Variants in UBR1 observed in about 807,000 individuals in gnomAD.
UBR1 encodes the protein E3 ubiquitin-protein ligase UBR1.
A neutral mutation model predicts 242.1 loss-of-function variants in UBR1; 102 were observed. That is an observed-to-expected ratio of 0.42 (90% CI 0.36 to 0.50). The LOEUF (loss-of-function observed/expected upper bound fraction) is 0.50, where lower values mean the gene tolerates loss of function less well. Ranked by LOEUF, UBR1 falls within the 20% of genes least tolerant of loss-of-function variation. UBR1 has a pLI of 0.01. For synonymous variants in UBR1, 675 were observed against 684.8 expected (o/e 0.99, Z 0.22); for missense variants, 1,772 against 2,101.8 (o/e 0.84, Z 3.07).
intron 46 of UBR1, among the ~76,000 whole-genome samples, chr15:42,949,801 AAAAT>A (rs1034081479): frequency 4.0e-5 from 6 of 151,658 alleles, no homozygotes; most frequent in Admixed American, 2.0e-4. Context: ...TCTGTCTCCC[AAAAT>A]AAATAAATAA....
chr15:42,970,332 T>A (rs2032183172), intron 40 of UBR1, among the ~76,000 whole-genome samples, 188 bp downstream of exon 40: 3 of 152,156 alleles, frequency 2.0e-5, no homozygotes, highest in Admixed American at 6.6e-5. Flanking sequence ...ACACCTTACA[T>A]AAAAATTAAC....
At chr15:43,028,749 A>AC (rs1250412713) in intron 21 of UBR1, among the ~76,000 whole-genome samples, 3 of 150,210 alleles carry the variant, frequency 2.0e-5, no homozygotes, top group South Asian at 4.2e-4. Flanking sequence ...CATCAAACAA[A>AC]AAAAAAAAAA....
rs1275822940 is a variant in UBR1 at position 42,966,297 on chromosome 15, A to G, written c.4458-11T>C. On this transcript the variant is annotated splice_polypyrimidine_tract_variant and intron_variant, in intron 40 of 46. Coordinates refer to ENST00000290650, the MANE Select transcript of UBR1 (RefSeq NM_174916.3). ...TCACACCCAATGGAGCTAGGAGACA[A>G]TAATTCCAGAAGAGAACAGAATACA... The G allele has an allele frequency of 6.2e-7, 1 of 1,614,134 alleles. No individual in the cohort carries two copies. The highest frequency in any genetic ancestry group is 8.5e-7 in the Non-Finnish European group (1 of 1,180,030).
intron 10 of UBR1, among the ~76,000 whole-genome samples, chr15:43,056,738 A>G (rs916546768): frequency 2.0e-5 from 3 of 152,184 alleles, no homozygotes; most frequent in African/African-American, 7.2e-5. Flanking sequence ...GAGGACTGCA[A>G]TGGTATAGTT....
chr15:43,033,659 G>C (rs1049459934), intron 19 of UBR1, among the ~76,000 whole-genome samples: 3 of 150,386 alleles, frequency 2.0e-5, no homozygotes, highest in African/African-American at 4.9e-5. Flanking sequence ...GTCTCAAAAA[G>C]GAAAAAAAAA....
chr15:42,975,088 G>A (rs968714781), intron 39 of UBR1, among the ~76,000 whole-genome samples: 2 of 151,992 alleles, frequency 1.3e-5, no homozygotes, highest in African/African-American at 4.8e-5. Flanking sequence ...TAGAGACGGG[G>A]TTTCACAATG....
At chr15:43,029,483 C>G (rs988945785) in intron 21 of UBR1, among the ~76,000 whole-genome samples, 8 of 152,162 alleles carry the variant, frequency 5.3e-5, no homozygotes, top group African/African-American at 1.9e-4. Flanking sequence ...TGGGGAGGGA[C>G]AGATGGAAAG....
intron 44 of UBR1, among the ~76,000 whole-genome samples, chr15:42,953,929 C>G (rs1202478597): frequency 2.0e-5 from 3 of 148,924 alleles, no homozygotes; most frequent in African/African-American, 7.5e-5. Context: ...GTCACCCAGG[C>G]TGAAGTCCAG....
At chr15:43,019,285 G>C (rs2033072483) in intron 27 of UBR1, among the ~76,000 whole-genome samples, 1 of 151,970 alleles carries the variant, frequency 6.6e-6, no homozygotes, top group African/African-American at 2.4e-5. Flanking sequence ...GGATGGTCTC[G>C]ATCTCCTGAC....
chr15:43,075,992 C>T (rs1031395935), intron 3 of UBR1, among the ~76,000 whole-genome samples: 32 of 150,562 alleles, frequency 2.1e-4, no homozygotes, highest in Admixed American at 1.9e-3. Context: ...CCTCTCTCCA[C>T]GGTCTCCTTC....
intron 20 of UBR1, among the ~76,000 whole-genome samples, chr15:43,032,286 A>G (rs533709353): frequency 6.6e-6 from 1 of 152,326 alleles, no homozygotes; most frequent in South Asian, 2.1e-4. Context: ...AGTATGACCA[A>G]TATTTGCAGA....
chr15:43,004,495 C>A (rs1219314486), intron 30 of UBR1, among the ~76,000 whole-genome samples: 1 of 152,230 alleles, frequency 6.6e-6, no homozygotes, highest in East Asian at 1.9e-4. Flanking sequence ...TCTCCTGCCT[C>A]AGCCTGCAGA....
At chr15:43,063,820 T>G (rs2033716726) in intron 6 of UBR1, among the ~76,000 whole-genome samples, 1 of 152,058 alleles carries the variant, frequency 6.6e-6, no homozygotes, top group African/African-American at 2.4e-5. Context: ...CACTGCAACC[T>G]CCACCTCCTG....
intron 1 of UBR1, among the ~76,000 whole-genome samples, chr15:43,098,634 C>T (rs2034189387): frequency 1.3e-5 from 2 of 151,782 alleles, no homozygotes. Flanking sequence ...CAGTTTCCAG[C>T]ACTAGCACAT....
intron 22 of UBR1, 119 bp downstream of exon 22, chr15:43,027,657 T>C (rs924442600): frequency 1.0e-5 from 9 of 860,652 alleles, no homozygotes; most frequent in African/African-American, 1.7e-5. Context: ...TTCTAATCTG[T>C]ATTCCACTCT....
intron 4 of UBR1, among the ~76,000 whole-genome samples, chr15:43,074,115 T>C (rs1455900064): frequency 1.3e-5 from 2 of 152,238 alleles, no homozygotes; most frequent in South Asian, 2.1e-4. Flanking sequence ...TTGCACTCTA[T>C]ACTATCTGAT....
At position 42,974,042 on chromosome 15, in the gene UBR1, C is replaced by T. The variant is rs887335137; in HGVS notation, c.4369+2675G>A. Among the ~76,000 whole-genome samples the T allele has an allele frequency of 6.6e-5, 10 of 152,080 alleles. No individual in the cohort carries two copies. The South Asian group carries it at 1.7e-3, about 25-fold the overall frequency. ...TAGCTGGGACTACAGGCACCCGCCA[C>T]CACGCCCAGCTAATTTTTTGTATTT... is the stretch of plus-strand genomic sequence containing the variant. On this transcript the variant is annotated intron_variant, in intron 39 of 46. Coordinates refer to ENST00000290650, the MANE Select transcript of UBR1 (RefSeq NM_174916.3).
chr15:43,042,509 C>T (rs1424498245), intron 15 of UBR1, among the ~76,000 whole-genome samples: 1 of 151,920 alleles, frequency 6.6e-6, no homozygotes, highest in Non-Finnish European at 1.5e-5. Flanking sequence ...TAGTTGCTAG[C>T]GGGTGTGGGG....
chr15:43,075,698 C>T (rs1319924926), intron 3 of UBR1, among the ~76,000 whole-genome samples: 1 of 151,710 alleles, frequency 6.6e-6, no homozygotes. Context: ...TCACCGCAAC[C>T]TCTGCCTCCC....
Sources: gnomAD v4.1 joint callset for allele counts (sites outside exome capture counted in the v4.1 genomes callset) on GRCh38, gnomAD v4.1.1 for gene constraint, MANE v1.5 for transcripts, NCBI Gene and HGNC (gene_info 2026-07-23, HGNC 2026-07-21) for gene names.